The following MORC3 variants were observed in gnomAD, a reference collection of about 807,000 sequenced individuals.
MORC3 encodes the protein MORC family CW-type zinc finger protein 3.
A neutral mutation model predicts 109.1 loss-of-function variants in MORC3; 31 were observed. The observed-to-expected ratio is 0.28, with a 90% CI of 0.21 to 0.38. The LOEUF is 0.38. Among genes scored for constraint, MORC3 ranks in the 10% least tolerant of loss-of-function variants. MORC3 has a pLI of 1.00. For synonymous variants in MORC3, 395 were observed against 380.7 expected, an observed-to-expected ratio of 1.04 and a Z score of -0.44; for missense variants, 867 against 1,135.8, an observed-to-expected ratio of 0.76 and a Z score of 3.40.
At chr21:36,365,237 C>T (rs922501438) in intron 14 of MORC3, among the ~76,000 whole-genome samples, 2 of 152,018 alleles carry the variant, frequency 1.3e-5, no homozygotes, top group East Asian at 1.9e-4. Context: ...GATTGATCAG[C>T]GAAGGCTTTG....
intron 6 of MORC3, among the ~76,000 whole-genome samples, 156 bp downstream of exon 6, chr21:36,341,702 A>T (rs2146304898): frequency 6.6e-6 from 1 of 152,340 alleles, no homozygotes; most frequent in East Asian, 1.9e-4. Flanking sequence ...CAGCCTGGGC[A>T]ACAGAGTGAG....
chr21:36,338,239 T>C (rs996792378), intron 4 of MORC3, among the ~76,000 whole-genome samples: 3 of 152,220 alleles, frequency 2.0e-5, no homozygotes. Flanking sequence ...GCTTGAAAAT[T>C]TGACTAGTGA....
intron 1 of MORC3, among the ~76,000 whole-genome samples, chr21:36,326,972 C>T (rs559149893): frequency 6.9e-4 from 104 of 151,656 alleles, no homozygotes; most frequent in Middle Eastern, 3.4e-3. Flanking sequence ...CCTGCCACCA[C>T]GCCCGGCTAA....
At position 36,356,684 on chromosome 21, in the gene MORC3, A is replaced by G. The variant is rs1601531711; in HGVS notation, c.1168A>G (p.Asn390Asp). 1.9e-6 allele frequency: 3 copies of G among 1,604,042 alleles called. No individual in the cohort carries two copies. Among genetic ancestry groups the G allele is most frequent in the Non-Finnish European group, 2.6e-6 (3 of 1,175,850 alleles). ...DYWNEMKVKK[N>D]TEYPLNLPVE... ...CTGGAATGAAATGAAAGTGAAGAAA[A>G]ATACAGAATATCCTCTAAATTTGCC... Residue 390 changes from asparagine to aspartate, a missense_variant, in exon 10 of 17, where the codon AAT (asparagine) becomes GAT (aspartate). Physicochemically the swap from Asn to Asp is conservative, Grantham distance 23. Transcript: ENST00000400485.
intron 1 of MORC3, among the ~76,000 whole-genome samples, chr21:36,329,375 G>A (rs1464501679): frequency 6.6e-6 from 1 of 152,116 alleles, no homozygotes; most frequent in African/African-American, 2.4e-5. Context: ...TGCATCCCAT[G>A]GGGGCTGAGG....
At chr21:36,322,797 T>A (rs8131934) in intron 1 of MORC3, among the ~76,000 whole-genome samples, 282 of 152,354 alleles carry the variant, frequency 1.9e-3, no homozygotes, top group African/African-American at 6.2e-3. Flanking sequence ...GAAATGCATA[T>A]ACTTTGGTTT....
chr21:36,364,790 G>C (rs1180947632), intron 14 of MORC3, among the ~76,000 whole-genome samples: 1 of 151,508 alleles, frequency 6.6e-6, no homozygotes, highest in East Asian at 2.0e-4. Context: ...GGTGGTTCAC[G>C]CCTGTAATCC....
At chr21:36,343,683 G>A (rs947854806) in intron 6 of MORC3, among the ~76,000 whole-genome samples, 1 of 150,230 alleles carries the variant, frequency 6.7e-6, no homozygotes, top group African/African-American at 2.5e-5. Context: ...TCCTGACCTC[G>A]TGATCCGCCC....
chr21:36,340,050 G>T (rs567187069), intron 5 of MORC3, among the ~76,000 whole-genome samples: 7 of 152,160 alleles, frequency 4.6e-5, no homozygotes, highest in African/African-American at 1.7e-4. Flanking sequence ...AGGCTGAGGC[G>T]GGTGGATCAT....
intron 14 of MORC3, among the ~76,000 whole-genome samples, chr21:36,368,386 A>T (rs1756457755): frequency 6.6e-6 from 1 of 152,198 alleles, no homozygotes. Context: ...TGTTCTGGAA[A>T]TGTGTACATT....
chr21:36,375,483 G>T lies in MORC3; in HGVS notation c.*187G>T. On this transcript the variant is annotated 3_prime_UTR_variant, in exon 17 of 17. Transcript: ENST00000400485. ...CATTATCTTATGTTTTGAAATACCT[G>T]TGAATTGTTGGCATTGAGCAGCTGA... 1.9e-6 allele frequency: 1 copy of T among 512,978 alleles called. No individual in the cohort carries two copies. Among genetic ancestry groups the T allele is most frequent in the South Asian group, 2.7e-5 (1 of 37,358 alleles). The allele number at this position is 512,978 out of a possible 1,614,324, so 31.8% of individuals were successfully genotyped here.
Position 36,333,657 on chromosome 21 carries a change from G to A in MORC3, c.51G>A (p.Lys17=), listed in dbSNP as rs369872420. The A allele has an allele frequency of 1.4e-5, 23 of 1,612,768 alleles. No homozygotes were observed. The highest frequency in any genetic ancestry group is 6.7e-5 in the Admixed American group (4 of 59,922). Reference sequence around the variant, plus strand: ...TTTGTTTGTTTCAGCTTTGCCCGAAGTTTTTACATACAAATTCTACTAGTC... The same window carrying A: ...TTTGTTTGTTTCAGCTTTGCCCGAAATTTTTACATACAAATTCTACTAGTC... The part of the protein sequence containing the change: ...RGIRLSALCP[K]FLHTNSTSHT... The change falls in exon 2 of 17, where the codon AAG becomes AAA. Residue 17 remains lysine (K), a synonymous_variant. Coordinates refer to ENST00000400485, the MANE Select transcript of MORC3 (RefSeq NM_015358.3).
intron 1 of MORC3, among the ~76,000 whole-genome samples, chr21:36,322,571 C>T (rs552238066): frequency 6.6e-4 from 101 of 152,148 alleles, no homozygotes; most frequent in African/African-American, 2.2e-3. Flanking sequence ...AGAGTTTCAC[C>T]ATGTTGGCCA....
chr21:36,350,007 A>G (rs2065301), intron 9 of MORC3, among the ~76,000 whole-genome samples: 1 of 151,984 alleles, frequency 6.6e-6, no homozygotes, highest in East Asian at 1.9e-4. Flanking sequence ...TGGTAACTGA[A>G]TGAATCAAAA....
At chr21:36,370,108 T>C (rs1304692532) in intron 15 of MORC3, among the ~76,000 whole-genome samples, 2 of 152,132 alleles carry the variant, frequency 1.3e-5, no homozygotes, top group African/African-American at 4.8e-5. Flanking sequence ...GGTGGGAGGC[T>C]GAGGCAGGAG....
At chr21:36,362,017 G>A in intron 12 of MORC3, 166 bp from the exon 13 acceptor site, 2 of 746,680 alleles carry the variant, frequency 2.7e-6, no homozygotes, top group Admixed American at 5.5e-5. Flanking sequence ...TAAAATTAGG[G>A]TGCTACTGAG....
At chr21:36,363,154 T>A (rs2085739847) in intron 13 of MORC3, among the ~76,000 whole-genome samples, 1 of 152,178 alleles carries the variant, frequency 6.6e-6, no homozygotes, top group Non-Finnish European at 1.5e-5. Context: ...CCGTGGTGGC[T>A]CATGCCTGTG....
Position 36,343,860 on chromosome 21 carries a change from T to A in MORC3, c.757-719T>A, listed in dbSNP as rs2085479131. ...TGCTAAGGTCTTAGCAATTACATTA[T>A]TAGTAATAGTAATAGTAAATAGTAG... On this transcript the variant is annotated intron_variant, in intron 6 of 16. Coordinates refer to ENST00000400485, the MANE Select transcript of MORC3 (RefSeq NM_015358.3). Among the ~76,000 whole-genome samples the A allele has an allele frequency of 8.5e-5, 13 of 152,174 alleles. No individual in the cohort carries two copies. The South Asian group carries it at 2.7e-3, about 32-fold the overall frequency.
At chr21:36,329,874 GT>G (rs371339993) in intron 1 of MORC3, among the ~76,000 whole-genome samples, 108 of 145,804 alleles carry the variant, frequency 7.4e-4, no homozygotes, top group African/African-American at 2.5e-3. Context: ...TTTTGTTTTT[GT>G]TTTTGAGACG....
Sources: allele counts gnomAD v4.1 joint callset (sites outside exome capture counted in the v4.1 genomes callset), GRCh38; gene constraint gnomAD v4.1.1; transcripts MANE v1.5; gene names NCBI Gene and HGNC (gene_info 2026-07-23, HGNC 2026-07-21).